Variants in PAK1 observed in about 807,000 individuals in gnomAD.
PAK1 encodes serine/threonine-protein kinase PAK 1.
In PAK1, 29 loss-of-function variants were observed where a neutral mutation model predicts 67.4. The ratio of observed to expected loss-of-function variants is 0.43; its 90% CI spans 0.32 to 0.59. PAK1 has a LOEUF of 0.59. PAK1 is among the 20% of genes least tolerant of loss of function. PAK1 has a pLI of 0.07. For synonymous variants in PAK1, 223 were observed against 237.4 expected, an observed-to-expected ratio of 0.94 and a Z score of 0.56; for missense variants, 337 against 670.7, an observed-to-expected ratio of 0.50 and a Z score of 5.50.
intron 9 of PAK1, among the ~76,000 whole-genome samples, chr11:77,348,061 G>A (rs1196083508): frequency 2.0e-5 from 3 of 152,142 alleles, no homozygotes; most frequent in Non-Finnish European, 4.4e-5. Context: ...CTTAATATTT[G>A]GCTTTAACAC....
chr11:77,447,208 C>T (rs1275538729), intron 1 of PAK1, among the ~76,000 whole-genome samples: 1 of 152,226 alleles, frequency 6.6e-6, no homozygotes, highest in African/African-American at 2.4e-5. Flanking sequence ...CCAGGGTCTA[C>T]ATTTTGGCCT....
At chr11:77,452,478 C>T (rs559837868) in intron 1 of PAK1, among the ~76,000 whole-genome samples, 1 of 152,234 alleles carries the variant, frequency 6.6e-6, no homozygotes, top group South Asian at 2.1e-4. Context: ...AGCTGCTTTT[C>T]TTCTCTTGGC....
At chr11:77,403,226 A>G (rs1412483585) in intron 1 of PAK1, among the ~76,000 whole-genome samples, 1 of 152,150 alleles carries the variant, frequency 6.6e-6, no homozygotes, top group Non-Finnish European at 1.5e-5. Context: ...GCTATCGCAC[A>G]TCTTTGCAGA....
chr11:77,461,944 AT>A (rs1366544367), intron 1 of PAK1, among the ~76,000 whole-genome samples: 1 of 152,206 alleles, frequency 6.6e-6, no homozygotes. Context: ...GTCCAATGCC[AT>A]TTTTCAGTAA....
intron 3 of PAK1, 102 bp downstream of exon 3, chr11:77,379,792 A>C (rs895042414): frequency 8.7e-6 from 7 of 806,024 alleles, no homozygotes; most frequent in African/African-American, 1.7e-5. Flanking sequence ...TCAGGGTCTC[A>C]GGCAAAGATA....
Position 77,343,858 on chromosome 11 carries a change from C to G in PAK1, c.959G>C (p.Arg320Thr). 3 of 1,613,172 alleles carry G rather than the reference C, an allele frequency of 1.9e-6. No individual in the cohort carries two copies. Among genetic ancestry groups the G allele is most frequent in the Non-Finnish European group, 2.5e-6 (3 of 1,179,170 alleles). ...ELIINEILVM[R>T]ENKNPNIVNY... ...CACAATGTTTGGGTTCTTGTTTTCC[C>G]TCATGACCAGGATCTCATTAATAAT... Residue 320 changes from arginine to threonine, a missense_variant, in exon 10 of 15, where the codon AGG becomes ACG. Physicochemically the swap from Arg to Thr is moderately conservative, Grantham distance 71. This residue lies in a region of PAK1 where 18 missense variants were observed against 45.2 expected (regional missense o/e 0.40). Transcript: ENST00000356341.
chr11:77,503,950 G>A, the PAK1 span, among the ~76,000 whole-genome samples: 1 of 152,142 alleles, frequency 6.6e-6, no homozygotes, highest in African/African-American at 2.4e-5. Context: ...GGAGTGCAGT[G>A]GCGCGATCTC....
At chr11:77,494,482 C>T in the PAK1 span, among the ~76,000 whole-genome samples, 3 of 152,084 alleles carry the variant, frequency 2.0e-5, no homozygotes, top group South Asian at 4.1e-4. Flanking sequence ...CCCACCTCAG[C>T]CTCCTAAGTA....
At chr11:77,487,188 T>C in the PAK1 span, among the ~76,000 whole-genome samples, 26,670 of 152,072 alleles carry the variant, frequency 0.18, 2,902 homozygotes, top group South Asian at 0.34. Flanking sequence ...GACATTTCTA[T>C]ACACACTCTG....
chr11:77,485,161 C>T, the PAK1 span, among the ~76,000 whole-genome samples: 3 of 151,884 alleles, frequency 2.0e-5, no homozygotes, highest in South Asian at 2.1e-4. Context: ...TACCAAAAGC[C>T]GGAAAGAGTA....
intron 1 of PAK1, among the ~76,000 whole-genome samples, chr11:77,405,565 AAAG>A (rs1456687653): frequency 8.5e-5 from 13 of 152,122 alleles, no homozygotes; most frequent in African/African-American, 3.1e-4. Flanking sequence ...TTAAAAAAAA[AAAG>A]AAAAATTAAG....
At chr11:77,466,116 C>T (rs1392409048) in intron 1 of PAK1, among the ~76,000 whole-genome samples, 3 of 152,118 alleles carry the variant, frequency 2.0e-5, no homozygotes, top group Non-Finnish European at 4.4e-5. Flanking sequence ...AATACTGTTA[C>T]TGATGGACTA....
intron 1 of PAK1, among the ~76,000 whole-genome samples, chr11:77,419,649 T>C (rs1955153570): frequency 6.6e-6 from 1 of 152,244 alleles, no homozygotes; most frequent in Non-Finnish European, 1.5e-5. Context: ...TTTACTGGGT[T>C]CTTTTGCAAC....
At chr11:77,526,449 A>T in the PAK1 span, among the ~76,000 whole-genome samples, 77,288 of 152,062 alleles carry the variant, frequency 0.51, 19,867 homozygotes, top group East Asian at 0.61. Flanking sequence ...CAAAGGCATA[A>T]GAGTAACATT....
At chr11:77,344,665 G>C (rs2136298639) in intron 9 of PAK1, among the ~76,000 whole-genome samples, 1 of 152,288 alleles carries the variant, frequency 6.6e-6, no homozygotes, top group East Asian at 1.9e-4. Flanking sequence ...CGGGGAAACT[G>C]TGTTTCAGAG....
chr11:77,332,215 G>A (rs890580127), intron 14 of PAK1, among the ~76,000 whole-genome samples: 1 of 145,620 alleles, frequency 6.9e-6, no homozygotes, highest in Non-Finnish European at 1.5e-5. Flanking sequence ...GGCTGAGGTG[G>A]GAAGATCACT....
Position 77,392,167 on chromosome 11 carries a change from A to G in PAK1, c.190+164T>C, listed in dbSNP as rs1275686740. Among the ~76,000 whole-genome samples, 4 of 151,846 alleles carry G rather than the reference A, an allele frequency of 2.6e-5. No homozygotes were observed. The East Asian group carries it at 7.7e-4, about 29-fold the overall frequency. ...GTTAATAGAGTATAAAAATAGGTCT[A>G]TTTTCCATTTTGCTTCAGCCACTGT... On this transcript the variant is annotated intron_variant, in intron 2 of 14. Coordinates refer to ENST00000356341, the MANE Select transcript of PAK1 (RefSeq NM_002576.5).
chr11:77,351,300 C>T (rs1310955477), intron 8 of PAK1, among the ~76,000 whole-genome samples: 7 of 148,712 alleles, frequency 4.7e-5, no homozygotes, highest in Middle Eastern at 3.2e-3. Context: ...TCTCATATAT[C>T]AGTAACTAAA....
intron 1 of PAK1, among the ~76,000 whole-genome samples, chr11:77,450,510 AG>A (rs1956808547): frequency 1.3e-5 from 2 of 152,230 alleles, no homozygotes; most frequent in South Asian, 4.1e-4. Context: ...ATTAAAGACT[AG>A]AAAATCCTTG....
Sources: allele counts gnomAD v4.1 joint callset (sites outside exome capture counted in the v4.1 genomes callset), GRCh38; gene constraint gnomAD v4.1.1; regional missense constraint gnomAD v4.1.1; transcripts MANE v1.5; gene names NCBI Gene and HGNC (gene_info 2026-07-23, HGNC 2026-07-21).